The following PRKCQ variants were observed in gnomAD, a reference collection of about 807,000 sequenced individuals.
PRKCQ encodes protein kinase C theta, also known as protein kinase C theta type.
In PRKCQ, 41 loss-of-function variants were observed where a neutral mutation model predicts 91.2. The ratio of observed to expected loss-of-function variants is 0.45; its 90% CI spans 0.35 to 0.58. PRKCQ has a LOEUF of 0.58. PRKCQ is among the 20% of genes least tolerant of loss of function. The pLI is 0.00. For missense variants in PRKCQ, 673 were observed against 896.5 expected (o/e 0.75, Z 3.18); for synonymous variants, 307 against 316.9 (o/e 0.97, Z 0.33).
At chr10:6,400,646 A>G in the PRKCQ span, among the ~76,000 whole-genome samples, 2 of 145,052 alleles carry the variant, frequency 1.4e-5, no homozygotes, top group African/African-American at 5.0e-5. Flanking sequence ...AAAAAAAAAA[A>G]GGCTCATTTT....
At chr10:6,552,660 T>TG (rs748308511) in intron 1 of PRKCQ, among the ~76,000 whole-genome samples, 2 of 152,054 alleles carry the variant, frequency 1.3e-5, no homozygotes, top group Non-Finnish European at 2.9e-5. Context: ...AGACACAGGG[T>TG]CTCACTAGGT....
the PRKCQ span, among the ~76,000 whole-genome samples, chr10:6,415,405 CATATATATAT>C: frequency 7.8e-3 from 813 of 104,688 alleles, 9 homozygotes; most frequent in African/African-American, 0.016. Flanking sequence ...CAAGAAAATA[CATATATATAT>C]ATATATATAT....
At chr10:6,402,776 C>T in the PRKCQ span, among the ~76,000 whole-genome samples, 1 of 152,062 alleles carries the variant, frequency 6.6e-6, no homozygotes, top group Non-Finnish European at 1.5e-5. Flanking sequence ...CAAGTGTGGT[C>T]GTGGGCACCT....
At chr10:6,561,149 T>C (rs893912369) in intron 1 of PRKCQ, among the ~76,000 whole-genome samples, 1 of 151,830 alleles carries the variant, frequency 6.6e-6, no homozygotes, top group African/African-American at 2.4e-5. Flanking sequence ...GACAGGCAGA[T>C]TGCTTGAGTC....
intron 8 of PRKCQ, among the ~76,000 whole-genome samples, chr10:6,490,586 C>CAA (rs144650548): frequency 2.6e-4 from 38 of 144,046 alleles, no homozygotes; most frequent in Admixed American, 1.2e-3. Flanking sequence ...CAAAGAAAAA[C>CAA]AAAAAAAACA....
chr10:6,425,327 C>T (rs1343472915), downstream of PRKCQ, among the ~76,000 whole-genome samples: 6 of 151,454 alleles, frequency 4.0e-5, no homozygotes, highest in African/African-American at 1.2e-4. Flanking sequence ...CGAGTTCAAG[C>T]GATTCTCCTG....
intron 4 of PRKCQ, among the ~76,000 whole-genome samples, chr10:6,500,298 C>T (rs1167428014): frequency 2.6e-5 from 4 of 151,960 alleles, no homozygotes; most frequent in African/African-American, 9.7e-5. Flanking sequence ...AGTATAAATA[C>T]ACTTTTAAAT....
At chr10:6,510,190 G>A (rs1838400453) in intron 3 of PRKCQ, among the ~76,000 whole-genome samples, 1 of 152,146 alleles carries the variant, frequency 6.6e-6, no homozygotes, top group African/African-American at 2.4e-5. Context: ...GTTTCTTACT[G>A]ATATATTTTC....
chr10:6,576,700 T>A lies in PRKCQ; in HGVS notation c.-10+3511A>T, dbSNP rs1050055455. On this transcript the variant is annotated intron_variant, in intron 1 of 17. Transcript: ENST00000263125. This position sits in a 1 kb window ranked among gnomAD's most constrained non-coding sequence, Gnocchi z 4.2. ...GCTAGAAAATAGTTAAGAAGTTAAA[T>A]TTTAAGTTATGTGTATTTTAACCAC... Among the ~76,000 whole-genome samples the A allele has an allele frequency of 2.6e-5, 4 of 152,212 alleles. No individual in the cohort carries two copies. The highest frequency in any genetic ancestry group is 4.4e-5 in the Non-Finnish European group (3 of 68,038).
At chr10:6,566,993 G>A (rs555620993) in intron 1 of PRKCQ, among the ~76,000 whole-genome samples, 2 of 152,290 alleles carry the variant, frequency 1.3e-5, no homozygotes, top group South Asian at 4.1e-4. Context: ...GGCTACAGGA[G>A]GCCTCATGAA....
At chr10:6,421,415 G>A in the PRKCQ span, among the ~76,000 whole-genome samples, 8 of 152,316 alleles carry the variant, frequency 5.3e-5, no homozygotes, top group South Asian at 4.1e-4. This position sits in a 1 kb window ranked among gnomAD's most constrained non-coding sequence, Gnocchi z 4.1. Context: ...AGCCCAGGAC[G>A]TGGAGGCTGC....
intron 14 of PRKCQ, among the ~76,000 whole-genome samples, chr10:6,457,593 A>G (rs1456702132): frequency 6.6e-6 from 1 of 152,160 alleles, no homozygotes; most frequent in East Asian, 1.9e-4. Flanking sequence ...ATGAAGGGCA[A>G]ACATTCTGGC....
intron 8 of PRKCQ, among the ~76,000 whole-genome samples, chr10:6,490,874 C>T (rs1837257612): frequency 6.6e-6 from 1 of 150,698 alleles, no homozygotes; most frequent in African/African-American, 2.4e-5. Context: ...AAGCAGAGTG[C>T]CTTGTCAGTT....
chr10:6,407,365 G>A, the PRKCQ span, among the ~76,000 whole-genome samples: 6 of 151,918 alleles, frequency 3.9e-5, no homozygotes, highest in Admixed American at 3.9e-4. This position sits in a 1 kb window ranked among gnomAD's most constrained non-coding sequence, Gnocchi z 4.0. Flanking sequence ...CAAGTGAGGG[G>A]GAATGACTTC....
intron 10 of PRKCQ, 94 bp downstream of exon 10, chr10:6,485,058 C>G: frequency 9.2e-7 from 1 of 1,086,404 alleles, no homozygotes; most frequent in South Asian, 1.4e-5. Context: ...CCTATCAGAC[C>G]AGGTAAGCTG....
intron 12 of PRKCQ, among the ~76,000 whole-genome samples, chr10:6,466,101 G>A (rs964320858): frequency 1.3e-5 from 2 of 152,232 alleles, no homozygotes; most frequent in African/African-American, 4.8e-5. Context: ...AAGTAGTCAC[G>A]AGAGCAAAGC....
At chr10:6,426,978 T>G (rs1036757602), downstream of PRKCQ, among the ~76,000 whole-genome samples, 1 of 152,142 alleles carries the variant, frequency 6.6e-6, no homozygotes, top group Non-Finnish European at 1.5e-5. Flanking sequence ...TTAGGTGATC[T>G]GCCCACATTG....
chr10:6,422,619 A>C (rs564087032), downstream of PRKCQ, among the ~76,000 whole-genome samples: 26 of 152,346 alleles, frequency 1.7e-4, no homozygotes, highest in African/African-American at 5.5e-4. Flanking sequence ...CAGGGGTTAA[A>C]TGAGGTAATA....
Position 6,430,916 on chromosome 10 carries a change from T to G in PRKCQ, c.1859A>C (p.Lys620Thr). ...LVKLFVREPE[K>T]RLGVRGDIRQ... ...GATGTCTCCCCTCACGCCCAGCCTCTTCTCAGGTTCTCGCACGAAGAGCTG... is the reference window on the plus strand; with the variant it reads ...GATGTCTCCCCTCACGCCCAGCCTCGTCTCAGGTTCTCGCACGAAGAGCTG... Residue 620 changes from lysine (K) to threonine (T), a missense_variant, in exon 17 of 18, where the codon AAG becomes ACG. Physicochemically the swap from Lys to Thr is moderately conservative, Grantham distance 78 (BLOSUM62 -1). Coordinates refer to ENST00000263125, the MANE Select transcript of PRKCQ (RefSeq NM_006257.5). This position sits in a 1 kb window ranked among gnomAD's most constrained non-coding sequence, Gnocchi z 4.7. 1 of 1,614,078 alleles carries G rather than the reference T, an allele frequency of 6.2e-7. No homozygotes were observed. The highest frequency in any genetic ancestry group is 8.5e-7 in the Non-Finnish European group (1 of 1,179,956).
Sources: gnomAD v4.1 joint callset for allele counts (sites outside exome capture counted in the v4.1 genomes callset) on GRCh38, gnomAD v4.1.1 for gene constraint, Gnocchi (gnomAD v3.1) non-coding constraint, MANE v1.5 for transcripts, NCBI Gene and HGNC (gene_info 2026-07-23, HGNC 2026-07-21) for gene names.